Variants in CDH12 observed in about 807,000 individuals in gnomAD.
CDH12 encodes cadherin 12.
Under a neutral mutation model 74.1 loss-of-function variants are expected in CDH12, and 41 were observed. The observed-to-expected ratio is 0.55, with a 90% CI of 0.43 to 0.72. The LOEUF (loss-of-function observed/expected upper bound fraction) is 0.72, where lower values mean the gene tolerates loss of function less well. Among genes scored for constraint, CDH12 ranks in the 30% least tolerant of loss-of-function variants. CDH12 has a pLI of 0.00. For synonymous variants in CDH12, 399 were observed against 355.0 expected (o/e 1.12, Z -1.39); for missense variants, 945 against 977.2 (o/e 0.97, Z 0.44).
At chr5:22,459,009 T>G (rs1007445817) in intron 2 of CDH12, among the ~76,000 whole-genome samples, 2 of 152,148 alleles carry the variant, frequency 1.3e-5, no homozygotes, top group Non-Finnish European at 2.9e-5. Flanking sequence ...TGTAACGAGA[T>G]CATTAACTTT....
At chr5:21,754,152 G>GTGA (rs1439120821) in intron 14 of CDH12, among the ~76,000 whole-genome samples, 1 of 152,150 alleles carries the variant, frequency 6.6e-6, no homozygotes, top group Non-Finnish European at 1.5e-5. Flanking sequence ...GTATAAGGTT[G>GTGA]TGATGGCCTT....
intron 9 of CDH12, among the ~76,000 whole-genome samples, chr5:21,810,583 G>A (rs1016030786): frequency 6.6e-6 from 1 of 152,178 alleles, no homozygotes; most frequent in Non-Finnish European, 1.5e-5. Context: ...TCTATGGCAT[G>A]TGCAGTTAGA....
intron 6 of CDH12, among the ~76,000 whole-genome samples, chr5:21,930,663 C>T (rs1561307609): frequency 6.6e-6 from 1 of 152,138 alleles, no homozygotes; most frequent in Non-Finnish European, 1.5e-5. Context: ...TTGCATGATG[C>T]TGGAACATTT....
At chr5:21,947,842 G>A (rs1210589844) in intron 6 of CDH12, among the ~76,000 whole-genome samples, 2 of 152,182 alleles carry the variant, frequency 1.3e-5, no homozygotes, top group Non-Finnish European at 2.9e-5. Flanking sequence ...CTGGGCCTAT[G>A]GCCCCGTTGC....
intron 2 of CDH12, among the ~76,000 whole-genome samples, chr5:22,435,901 C>T (rs1484074483): frequency 6.6e-6 from 1 of 151,844 alleles, no homozygotes; most frequent in Non-Finnish European, 1.5e-5. Context: ...TCATCTTTGA[C>T]CAATCAGTAC....
At chr5:22,809,883 T>C (rs1209141593) in intron 1 of CDH12, among the ~76,000 whole-genome samples, 1 of 152,130 alleles carries the variant, frequency 6.6e-6, no homozygotes, top group Admixed American at 6.6e-5. Flanking sequence ...AAATGTTATA[T>C]GAAAAGTTTA....
chr5:22,512,170 A>G (rs1316369292), intron 1 of CDH12, among the ~76,000 whole-genome samples: 3 of 152,208 alleles, frequency 2.0e-5, no homozygotes, highest in Non-Finnish European at 2.9e-5. Flanking sequence ...AGAGTCACGA[A>G]CTTTAATAAA....
intron 1 of CDH12, among the ~76,000 whole-genome samples, chr5:22,783,752 A>G (rs1185192896): frequency 6.6e-6 from 1 of 152,146 alleles, no homozygotes; most frequent in African/African-American, 2.4e-5. Context: ...CAAATTGTAT[A>G]TGGGGCTGTG....
intron 4 of CDH12, among the ~76,000 whole-genome samples, chr5:22,121,355 G>C (rs1464575330): frequency 2.0e-5 from 3 of 152,110 alleles, no homozygotes; most frequent in Non-Finnish European, 4.4e-5. Context: ...CTAAACTCAG[G>C]GGTCCTTAGC....
At chr5:21,852,119 A>G (rs566018783) in intron 7 of CDH12, among the ~76,000 whole-genome samples, 14 of 151,558 alleles carry the variant, frequency 9.2e-5, no homozygotes, top group Middle Eastern at 3.4e-3. Context: ...ACTCTTATCT[A>G]CCACAAGGTG....
chr5:22,481,942 A>G (rs903045819), intron 2 of CDH12, among the ~76,000 whole-genome samples: 10 of 152,200 alleles, frequency 6.6e-5, no homozygotes, highest in African/African-American at 2.2e-4. Context: ...GTTATTTGTA[A>G]AATTATATAC....
chr5:21,948,803 G>T (rs1158091998), intron 6 of CDH12, among the ~76,000 whole-genome samples: 1 of 152,180 alleles, frequency 6.6e-6, no homozygotes, highest in Non-Finnish European at 1.5e-5. Context: ...GGCAGGACCT[G>T]GTGGAAGGTG....
Position 22,838,651 on chromosome 5 carries a change from CTGTGTGTGTG to C in CDH12, c.-523+14397_-523+14406del, listed in dbSNP as rs369033220. The stretch of plus-strand genomic sequence containing the variant: ...TCTTAAAATGGGTGTGTGAGAGTGT[CTGTGTGTGTG>C]TGTGTGTGTGTGTGTGTGTGTGTGT... On this transcript the variant is annotated intron_variant, in intron 1 of 14. Transcript: ENST00000382254. 2.2e-3 allele frequency among the ~76,000 whole-genome samples: 310 copies of C among 143,952 alleles called. 1 individual carries two copies. Among genetic ancestry groups the C allele is most frequent in the African/African-American group, 7.1e-3 (276 of 38,702 alleles). The allele number at this position is 143,952 out of a possible 152,430, so 94.4% of individuals were successfully genotyped here.
At chr5:22,775,410 A>C (rs1376100795) in intron 1 of CDH12, among the ~76,000 whole-genome samples, 1 of 152,146 alleles carries the variant, frequency 6.6e-6, no homozygotes, top group Non-Finnish European at 1.5e-5. Context: ...CATTTCAGGA[A>C]CAGAGAAGCC....
chr5:22,666,290 TTTTTTTTTTTTG>T (rs1204500871), intron 1 of CDH12, among the ~76,000 whole-genome samples: 2 of 87,480 alleles, frequency 2.3e-5, no homozygotes, highest in Non-Finnish European at 4.9e-5. Context: ...ATCTTTTTTT[TTTTTTTTTTTTG>T]TTTTTGAGAC....
At position 21,910,400 on chromosome 5, in the gene CDH12, C is replaced by T. The variant is rs546825988; in HGVS notation, c.527-55610G>A. 1.7e-3 allele frequency among the ~76,000 whole-genome samples: 252 copies of T among 152,192 alleles called. 11 individuals carry two copies. Among genetic ancestry groups the T allele is most frequent in the Admixed American group, 0.015 (227 of 15,272 alleles). On this transcript the variant is annotated intron_variant, in intron 6 of 14. Transcript: ENST00000382254. ...TGGTGCCTCATTTCTTAGACAGTGA[C>T]GCCGCACCTGCCAGAAAATTCAGTT... is the stretch of plus-strand genomic sequence containing the variant.
chr5:22,334,695 A>G (rs1225102686), intron 3 of CDH12, among the ~76,000 whole-genome samples: 1 of 152,140 alleles, frequency 6.6e-6, no homozygotes, highest in African/African-American at 2.4e-5. Context: ...AAATAAATCC[A>G]CAAATCTACA....
At position 22,177,012 on chromosome 5, in the gene CDH12, C is replaced by A. The variant is rs537957931; in HGVS notation, c.-187+35486G>T. On this transcript the variant is annotated intron_variant, in intron 4 of 14. Coordinates refer to ENST00000382254, the MANE Select transcript of CDH12 (RefSeq NM_004061.5). Reference sequence around the variant, plus strand: ...CACAGGCATATGCTCATATCTGCTACCCTCCAACCCTGCCTTTTATTGTAA... The same window carrying A: ...CACAGGCATATGCTCATATCTGCTAACCTCCAACCCTGCCTTTTATTGTAA... Among the ~76,000 whole-genome samples, 31 of 152,218 alleles carry A rather than the reference C, an allele frequency of 2.0e-4. No homozygotes were observed. The East Asian group carries it at 2.5e-3, about 12-fold the overall frequency.
chr5:21,876,922 A>G (rs1579885342), intron 6 of CDH12, among the ~76,000 whole-genome samples: 2 of 152,248 alleles, frequency 1.3e-5, no homozygotes, highest in East Asian at 1.9e-4. Context: ...TTCAGGCCAC[A>G]TGCCACTGGT....
Sources: allele counts gnomAD v4.1 joint callset (sites outside exome capture counted in the v4.1 genomes callset), GRCh38; gene constraint gnomAD v4.1.1; transcripts MANE v1.5; gene names NCBI Gene and HGNC (gene_info 2026-07-23, HGNC 2026-07-21).